Variants in NRXN3 observed in about 807,000 individuals in gnomAD.
NRXN3 encodes the protein neurexin III.
Under a neutral mutation model 137.6 loss-of-function variants are expected in NRXN3, and 32 were observed. That is an observed-to-expected ratio of 0.23 (90% CI 0.18 to 0.31). NRXN3 has a LOEUF of 0.31. Ranked by LOEUF, NRXN3 falls within the 10% of genes least tolerant of loss-of-function variation. The probability of loss-of-function intolerance (pLI) is 1.00; values close to 1 mark genes in which losing one functional copy is unlikely to be tolerated. For missense variants in NRXN3, 1,574 were observed against 2,062.5 expected (o/e 0.76, Z 4.59); for synonymous variants, 798 against 784.5 (o/e 1.02, Z -0.29).
intron 16 of NRXN3, among the ~76,000 whole-genome samples, chr14:79,569,758 G>A (rs1330484391): frequency 1.3e-5 from 2 of 151,826 alleles, no homozygotes; most frequent in African/African-American, 2.4e-5. Flanking sequence ...ACAGGTGCCC[G>A]CCACCACACC....
At chr14:78,444,723 C>A (rs769920103) in intron 4 of NRXN3, among the ~76,000 whole-genome samples, 3 of 151,616 alleles carry the variant, frequency 2.0e-5, no homozygotes, top group Non-Finnish European at 2.9e-5. Flanking sequence ...AGTTTGAGAC[C>A]AGCTTGGCCA....
chr14:78,967,527 A>G, intron 13 of NRXN3, 129 bp downstream of exon 13: 1 of 673,764 alleles, frequency 1.5e-6, no homozygotes, highest in South Asian at 2.1e-5. Context: ...TGTTTTAACA[A>G]TGTTGAATTA....
intron 4 of NRXN3, among the ~76,000 whole-genome samples, chr14:78,627,636 A>T (rs1394579866): frequency 6.6e-6 from 1 of 152,178 alleles, no homozygotes; most frequent in East Asian, 1.9e-4. Flanking sequence ...TCCCCTGTTA[A>T]TATATCTGCT....
intron 4 of NRXN3, among the ~76,000 whole-genome samples, chr14:78,504,878 C>T (rs910079041): frequency 1.3e-5 from 2 of 152,068 alleles, no homozygotes; most frequent in Non-Finnish European, 2.9e-5. Context: ...CAAGTGGGCC[C>T]GACTTACTAG....
chr14:79,518,039 G>A (rs1045945303), intron 16 of NRXN3, among the ~76,000 whole-genome samples: 5 of 150,906 alleles, frequency 3.3e-5, no homozygotes, highest in African/African-American at 1.2e-4. Flanking sequence ...CTGAGTAGCT[G>A]GGATTACAGG....
At chr14:78,633,645 A>G (rs2097542299) in intron 4 of NRXN3, among the ~76,000 whole-genome samples, 1 of 152,198 alleles carries the variant, frequency 6.6e-6, no homozygotes. Context: ...GGAAGTGCAT[A>G]TGTAGCTATA....
intron 9 of NRXN3, 100 bp downstream of exon 9, chr14:78,803,923 A>C: frequency 8.8e-7 from 1 of 1,134,374 alleles, no homozygotes; most frequent in African/African-American, 1.5e-5. Flanking sequence ...GTTTCTTGAA[A>C]GTTAGCTGCT....
At chr14:78,985,132 T>C (rs2099499888) in intron 14 of NRXN3, among the ~76,000 whole-genome samples, 1 of 152,178 alleles carries the variant, frequency 6.6e-6, no homozygotes, top group Non-Finnish European at 1.5e-5. Context: ...TGGAAAAGAT[T>C]GCATACTTTG....
chr14:78,244,964 T>C (rs1333614419), intron 2 of NRXN3, among the ~76,000 whole-genome samples: 1 of 152,194 alleles, frequency 6.6e-6, no homozygotes, highest in East Asian at 1.9e-4. Flanking sequence ...GAGAGGTGGC[T>C]CAAACTTTAA....
intron 19 of NRXN3, among the ~76,000 whole-genome samples, chr14:79,710,626 G>T (rs1346748634): frequency 6.6e-6 from 1 of 152,190 alleles, no homozygotes; most frequent in Non-Finnish European, 1.5e-5. Flanking sequence ...TCCAGTTTAT[G>T]AGGGCATGAG....
intron 17 of NRXN3, among the ~76,000 whole-genome samples, chr14:79,676,665 C>T (rs2098642494): frequency 6.6e-6 from 1 of 151,884 alleles, no homozygotes; most frequent in South Asian, 2.1e-4. Flanking sequence ...TGACTACAGT[C>T]ATTTCAGTGT....
intron 8 of NRXN3, among the ~76,000 whole-genome samples, chr14:78,758,009 C>T (rs2098676680): frequency 3.9e-5 from 6 of 152,136 alleles, no homozygotes; most frequent in Admixed American, 3.9e-4. Context: ...TTCAGGAAAG[C>T]ACCCCATTCT....
intron 13 of NRXN3, 23 bp downstream of exon 13, chr14:78,967,421 G>T (rs745899899): frequency 6.4e-7 from 1 of 1,565,986 alleles, no homozygotes; most frequent in Non-Finnish European, 8.8e-7. Context: ...AAGAAATTTA[G>T]TTTTTAATAG....
intron 16 of NRXN3, among the ~76,000 whole-genome samples, chr14:79,502,853 C>T (rs944953432): frequency 6.6e-6 from 1 of 151,928 alleles, no homozygotes; most frequent in African/African-American, 2.4e-5. Flanking sequence ...CTCCCATGTT[C>T]ATTTCTCATT....
intron 16 of NRXN3, among the ~76,000 whole-genome samples, chr14:79,625,573 G>A (rs1253317985): frequency 6.6e-6 from 1 of 151,768 alleles, no homozygotes; most frequent in Non-Finnish European, 1.5e-5. Context: ...CCCACTAACA[G>A]TGTACAGGCA....
chr14:79,099,659 G>C (rs1276059257), intron 15 of NRXN3, among the ~76,000 whole-genome samples: 1 of 152,034 alleles, frequency 6.6e-6, no homozygotes, highest in Non-Finnish European at 1.5e-5. Flanking sequence ...TAAATCCTAA[G>C]TCTTATGAGA....
intron 4 of NRXN3, among the ~76,000 whole-genome samples, chr14:78,386,150 A>G (rs543607011): frequency 6.6e-6 from 1 of 152,298 alleles, no homozygotes; most frequent in African/African-American, 2.4e-5. Flanking sequence ...GCAGACAGAA[A>G]CAGTTACAGT....
chr14:78,332,511 T>G (rs2080954918), intron 4 of NRXN3, among the ~76,000 whole-genome samples: 1 of 152,122 alleles, frequency 6.6e-6, no homozygotes, highest in African/African-American at 2.4e-5. Flanking sequence ...AGATGGGGTT[T>G]CACCATGTTG....
At chr14:78,250,197 CT>C (rs1244720969) in intron 2 of NRXN3, 1 of 434,186 alleles carries the variant, frequency 2.3e-6, no homozygotes, top group Non-Finnish European at 4.6e-6. Context: ...GCTTCAGAGC[CT>C]ACACTGTCAA....
Sources: allele counts gnomAD v4.1 joint callset (sites outside exome capture counted in the v4.1 genomes callset), GRCh38; gene constraint gnomAD v4.1.1; transcripts MANE v1.5; gene names NCBI Gene and HGNC (gene_info 2026-07-23, HGNC 2026-07-21).